Variants in CD163L1 observed in about 807,000 individuals in gnomAD.
CD163L1 encodes CD163 molecule like 1, also known as scavenger receptor cysteine-rich type 1 protein M160.
A neutral mutation model predicts 165.4 loss-of-function variants in CD163L1; 124 were observed. The observed-to-expected ratio is 0.75, with a 90% CI of 0.65 to 0.87. The LOEUF (loss-of-function observed/expected upper bound fraction) is 0.87. Among genes scored for constraint, CD163L1 ranks in the 40% least tolerant of loss-of-function variants. CD163L1 has a pLI of 0.00. For synonymous variants in CD163L1, 585 were observed against 662.2 expected (o/e 0.88, Z 1.79); for missense variants, 1,525 against 1,799.9 (o/e 0.85, Z 2.76).
intron 4 of CD163L1, among the ~76,000 whole-genome samples, chr12:7,417,334 T>A (rs2136566852): frequency 6.6e-6 from 1 of 152,302 alleles, no homozygotes; most frequent in East Asian, 1.9e-4. Flanking sequence ...GATGGGGTTT[T>A]CTAACTATAC....
intron 13 of CD163L1, 92 bp from the exon 14 acceptor site, chr12:7,373,732 C>T (rs942900616): frequency 1.1e-4 from 118 of 1,030,184 alleles, no homozygotes; most frequent in Non-Finnish European, 1.5e-4. Context: ...GGAAATAATA[C>T]ATTAGGGCTC....
rs1035968079 is a variant in CD163L1, at chr12:7,432,221, C to G, written c.766+195G>C. Among the ~76,000 whole-genome samples, 1 of 152,122 alleles carries G rather than the reference C, an allele frequency of 6.6e-6. No individual in the cohort carries two copies. The highest frequency in any genetic ancestry group is 1.5e-5 in the Non-Finnish European group (1 of 68,022). On this transcript the variant is annotated intron_variant, in intron 4 of 19. Coordinates refer to ENST00000313599, the MANE Select transcript of CD163L1 (RefSeq NM_174941.6). The surrounding 1 kb of genome is among the most constrained non-coding windows in gnomAD (Gnocchi z 4.2). ...CAGAAATATTAAAACTCAAAATGTGCTTTAGATTTGTTAGGAAGAGCAGTT... is the reference window on the plus strand; with the variant it reads ...CAGAAATATTAAAACTCAAAATGTGGTTTAGATTTGTTAGGAAGAGCAGTT...
At chr12:7,359,127 A>G (rs1946839445) in intron 18 of CD163L1, among the ~76,000 whole-genome samples, 1 of 152,144 alleles carries the variant, frequency 6.6e-6, no homozygotes, top group African/African-American at 2.4e-5. Flanking sequence ...TAACAGACAT[A>G]CAATAGGAAT....
intron 4 of CD163L1, among the ~76,000 whole-genome samples, chr12:7,416,780 T>A (rs1193421129): frequency 6.6e-6 from 1 of 152,164 alleles, no homozygotes; most frequent in Non-Finnish European, 1.5e-5. Flanking sequence ...GGTCTATATA[T>A]CTGTTTTGGT....
intron 4 of CD163L1, among the ~76,000 whole-genome samples, chr12:7,408,315 TG>T (rs1196133476): frequency 6.6e-6 from 1 of 152,170 alleles, no homozygotes; most frequent in Non-Finnish European, 1.5e-5. Context: ...TATTAATTTG[TG>T]TAACTATTAC....
downstream of CD163L1, among the ~76,000 whole-genome samples, chr12:7,343,775 C>T (rs1482754517): frequency 6.6e-6 from 1 of 152,190 alleles, no homozygotes; most frequent in African/African-American, 2.4e-5. Flanking sequence ...CATTTCACCT[C>T]TTGCCCCCCA....
At chr12:7,339,830 G>A in the CD163L1 span, among the ~76,000 whole-genome samples, 1 of 152,008 alleles carries the variant, frequency 6.6e-6, no homozygotes, top group Non-Finnish European at 1.5e-5. Context: ...ATTTTTTCAT[G>A]CTAGACAATG....
At chr12:7,345,789 C>A (rs1051948463), downstream of CD163L1, among the ~76,000 whole-genome samples, 1 of 152,240 alleles carries the variant, frequency 6.6e-6, no homozygotes, top group Admixed American at 6.5e-5. Flanking sequence ...ATGGTGCTGG[C>A]ATCTGTTTGG....
chr12:7,331,755 A>G, the CD163L1 span, among the ~76,000 whole-genome samples: 1 of 152,240 alleles, frequency 6.6e-6, no homozygotes, highest in African/African-American at 2.4e-5. Flanking sequence ...ACAAACAGAA[A>G]GGACATCCAC....
At chr12:7,355,482 T>C (rs1946755909) in intron 19 of CD163L1, among the ~76,000 whole-genome samples, 1 of 152,174 alleles carries the variant, frequency 6.6e-6, no homozygotes, top group Non-Finnish European at 1.5e-5. Flanking sequence ...GAAATTAATC[T>C]TTCAAAAGTT....
chr12:7,403,926 C>T, intron 5 of CD163L1, 71 bp from the exon 6 acceptor site: 1 of 1,249,436 alleles, frequency 8.0e-7, no homozygotes, highest in Non-Finnish European at 1.1e-6. Context: ...TCTCCTCCAA[C>T]CCCTCCAATG....
intron 4 of CD163L1, among the ~76,000 whole-genome samples, chr12:7,422,449 T>G (rs1047827279): frequency 6.6e-6 from 1 of 151,828 alleles, no homozygotes. Context: ...TTTGATGAAA[T>G]GACAGAACGA....
At chr12:7,418,893 T>C (rs1948295634) in intron 4 of CD163L1, among the ~76,000 whole-genome samples, 1 of 151,812 alleles carries the variant, frequency 6.6e-6, no homozygotes, top group Admixed American at 6.6e-5. Context: ...TTTTTAAAAA[T>C]GAGAACAAAA....
the CD163L1 span, among the ~76,000 whole-genome samples, chr12:7,319,603 A>G: frequency 6.6e-6 from 1 of 151,658 alleles, no homozygotes; most frequent in South Asian, 2.1e-4. Context: ...AAAAAAAAAA[A>G]AAGAAAAAAA....
Position 7,406,531 on chromosome 12 carries a change from C to A in CD163L1, c.1087+1G>T, listed in dbSNP as rs1394714546. 1.9e-6 allele frequency: 3 copies of A among 1,613,392 alleles called. No homozygotes were observed. Among genetic ancestry groups the A allele is most frequent in the Non-Finnish European group, 2.5e-6 (3 of 1,179,836 alleles). On this transcript the variant is annotated splice_donor_variant, in intron 5 of 19. Transcript: ENST00000313599. LOFTEE classifies it high-confidence loss of function. ...TGTAATCATGTGGATGTAAGTCTTA[C>A]CTGAGCAGATCACAGACACATCGTT... is the stretch of plus-strand genomic sequence containing the variant.
rs759970406 is a variant in CD163L1, at chr12:7,441,333, TAGAA to T, written c.32-91_32-88del. 4.2e-4 allele frequency: 388 copies of T among 921,002 alleles called. 1 individual carries two copies. The African/African-American group carries it at 5.7e-3, about 14-fold the overall frequency. 57.1% of individuals were successfully genotyped at this position (921,002 alleles called of 1,614,324 possible). ...TCAATGACTTAAATCCAAAATAAAA[TAGAA>T]GGAGTAAGATGAATTATTCTTCCAC... is the stretch of plus-strand genomic sequence containing the variant. On this transcript the variant is annotated intron_variant, in intron 1 of 19. Coordinates refer to ENST00000313599, the MANE Select transcript of CD163L1 (RefSeq NM_174941.6).
intron 4 of CD163L1, among the ~76,000 whole-genome samples, chr12:7,416,843 A>G (rs1948252607): frequency 6.6e-6 from 1 of 152,152 alleles, no homozygotes; most frequent in African/African-American, 2.4e-5. Flanking sequence ...GTTTAAAGTC[A>G]GATAGCATGA....
chr12:7,417,482 C>A (rs567075825), intron 4 of CD163L1, among the ~76,000 whole-genome samples: 118 of 152,256 alleles, frequency 7.8e-4, no homozygotes, highest in Non-Finnish European at 1.4e-3. Context: ...GCATCCTTGT[C>A]TTGTGCTGGT....
chr12:7,393,388 ACT>A (rs1181910386), intron 8 of CD163L1, among the ~76,000 whole-genome samples: 1 of 152,106 alleles, frequency 6.6e-6, no homozygotes, highest in Non-Finnish European at 1.5e-5. Context: ...CATGCTAAAA[ACT>A]CTCAATAAAC....
Sources: allele counts gnomAD v4.1 joint callset (sites outside exome capture counted in the v4.1 genomes callset), GRCh38; gene constraint gnomAD v4.1.1; non-coding constraint Gnocchi (gnomAD v3.1); transcripts MANE v1.5; gene names NCBI Gene and HGNC (gene_info 2026-07-23, HGNC 2026-07-21).